RFX7: variants seen among roughly 807,000 people sequenced by gnomAD.
RFX7 encodes DNA-binding protein RFX7.
RFX7 carries 26 observed loss-of-function variants against 111.8 expected under a neutral mutation model. The ratio of observed to expected loss-of-function variants is 0.23; its 90% CI spans 0.17 to 0.32. RFX7 has a LOEUF of 0.32. Ranked by LOEUF, RFX7 falls within the 10% of genes least tolerant of loss-of-function variation. RFX7 has a pLI of 1.00. For missense variants in RFX7, 1,573 were observed against 1,772.9 expected (o/e 0.89, Z 2.02); for synonymous variants, 624 against 624.4 (o/e 1.00, Z 0.01).
intron 5 of RFX7, among the ~76,000 whole-genome samples, chr15:56,128,999 C>T (rs1595948023): frequency 2.6e-5 from 4 of 152,204 alleles, no homozygotes; most frequent in African/African-American, 7.2e-5. Flanking sequence ...AAGATGTATA[C>T]ATCCTTGAAA....
rs571717718 is a variant in RFX7, at chr15:56,233,173, C to T, written c.161+9952G>A. Among the ~76,000 whole-genome samples, 5 of 152,292 alleles carry T rather than the reference C, an allele frequency of 3.3e-5. No individual in the cohort carries two copies. In the East Asian group the frequency reaches 7.7e-4, roughly 24 times the overall value. On this transcript the variant is annotated intron_variant, in intron 2 of 9. Coordinates refer to ENST00000559447, the MANE Select transcript of RFX7 (RefSeq NM_022841.7). Reference sequence around the variant, plus strand: ...TAAGGAAAAAGAGGTTTAATGGACTCACAGTTCCATGTGGATGGGGAGGCC... The same window carrying T: ...TAAGGAAAAAGAGGTTTAATGGACTTACAGTTCCATGTGGATGGGGAGGCC...
chr15:56,177,950 T>A lies in RFX7; in HGVS notation c.195+1320A>T, dbSNP rs180808658. Among the ~76,000 whole-genome samples, 120 of 152,202 alleles carry A rather than the reference T, an allele frequency of 7.9e-4. 3 individuals carry two copies. Among genetic ancestry groups the A allele is most frequent in the Admixed American group, 7.3e-3 (111 of 15,280 alleles). ...GAGTAGTCTTGAATATATCTCTCTA[T>A]AACAGACTAAATTTCTTAAGGGCAT... On this transcript the variant is annotated intron_variant, in intron 3 of 9. Coordinates refer to ENST00000559447, the MANE Select transcript of RFX7 (RefSeq NM_022841.7).
At chr15:56,220,520 C>T (rs571188657) in intron 2 of RFX7, among the ~76,000 whole-genome samples, 2 of 151,272 alleles carry the variant, frequency 1.3e-5, no homozygotes, top group South Asian at 2.1e-4. Flanking sequence ...CGGGAGCCAC[C>T]GCACCTAGCC....
At chr15:56,229,431 A>C (rs2141227855) in intron 2 of RFX7, among the ~76,000 whole-genome samples, 1 of 152,064 alleles carries the variant, frequency 6.6e-6, no homozygotes, top group African/African-American at 2.4e-5. Context: ...ACGCCTGGTT[A>C]ATTTTTTGTA....
chr15:56,195,087 T>G (rs1430049951), intron 2 of RFX7, among the ~76,000 whole-genome samples: 1 of 152,120 alleles, frequency 6.6e-6, no homozygotes, highest in Non-Finnish European at 1.5e-5. Context: ...TAAAAAGGAA[T>G]GCAGTATCAA....
At chr15:56,161,475 A>G (rs898221977) in intron 3 of RFX7, among the ~76,000 whole-genome samples, 5 of 152,098 alleles carry the variant, frequency 3.3e-5, no homozygotes, top group African/African-American at 1.2e-4. Flanking sequence ...ACATTATAAA[A>G]GAAAAAAGTA....
Position 56,094,531 on chromosome 15 carries a change from T to G in RFX7, c.3197A>C (p.Asn1066Thr). The change falls in exon 10 of 10, where the codon AAT becomes ACT. Residue 1066 changes from asparagine (N) to threonine (T), a missense_variant. Around this residue, in one of 7 missense-constraint regions of RFX7, gnomAD observed 411 missense variants for 478.1 expected, o/e 0.86. Transcript: ENST00000559447. Reference protein sequence around the residue: ...HPDKTKLEWMNNGYSGVGNSS... With the variant: ...HPDKTKLEWMTNGYSGVGNSS... ...ATTACCAACCCCACTATACCCATTA[T>G]TCATCCATTCAAGCTTGGTTTTGTC... The G allele has an allele frequency of 6.2e-7, 1 of 1,613,976 alleles. No homozygotes were observed. The highest frequency in any genetic ancestry group is 8.5e-7 in the Non-Finnish European group (1 of 1,179,874).
At chr15:56,205,528 G>C (rs2043241309) in intron 2 of RFX7, among the ~76,000 whole-genome samples, 1 of 152,160 alleles carries the variant, frequency 6.6e-6, no homozygotes, top group East Asian at 1.9e-4. Flanking sequence ...GTTGACACAA[G>C]TTTGACTAAC....
At chr15:56,139,262 G>A (rs369846426) in intron 5 of RFX7, among the ~76,000 whole-genome samples, 3 of 150,726 alleles carry the variant, frequency 2.0e-5, no homozygotes, top group Non-Finnish European at 4.5e-5. Context: ...CCAATCAGAC[G>A]TAGATTTGGT....
chr15:56,151,272 T>C (rs1305752218), intron 3 of RFX7, among the ~76,000 whole-genome samples: 1 of 151,586 alleles, frequency 6.6e-6, no homozygotes, highest in Non-Finnish European at 1.5e-5. Context: ...TTCACCAAGG[T>C]TGAAATGAAA....
chr15:56,175,377 C>A (rs1209520717), intron 3 of RFX7, among the ~76,000 whole-genome samples: 1 of 151,816 alleles, frequency 6.6e-6, no homozygotes, highest in Non-Finnish European at 1.5e-5. Context: ...TGATGTAATC[C>A]CAATAAAAAT....
chr15:56,153,033 AC>A (rs748808330), intron 3 of RFX7, among the ~76,000 whole-genome samples: 4 of 152,212 alleles, frequency 2.6e-5, no homozygotes, highest in Non-Finnish European at 4.4e-5. Context: ...CCCTGAATAG[AC>A]CAATAACAAG....
intron 2 of RFX7, chr15:56,193,303 G>A (rs189285899): frequency 6.6e-6 from 1 of 152,398 alleles, no homozygotes; most frequent in African/African-American, 2.4e-5. Context: ...GACCCAGGCA[G>A]GAAAGGCGCG....
At chr15:56,152,411 G>A (rs538058688) in intron 3 of RFX7, among the ~76,000 whole-genome samples, 11 of 152,078 alleles carry the variant, frequency 7.2e-5, no homozygotes, top group Admixed American at 5.9e-4. Context: ...ACCCCAATCC[G>A]TACAAATACA....
At position 56,218,216 on chromosome 15, in the gene RFX7, G is replaced by A. The variant is rs138502826; in HGVS notation, c.161+24909C>T. ...GTTGCCCAGGCTGGAGTGCAATGGC[G>A]CGTTCTCGGCTCACTGCAACCTCTG... is the stretch of plus-strand genomic sequence containing the variant. On this transcript the variant is annotated intron_variant, in intron 2 of 9. Transcript: ENST00000559447. Among the ~76,000 whole-genome samples, 316 of 133,236 alleles carry A rather than the reference G, an allele frequency of 2.4e-3. 1 individual carries two copies. The highest frequency in any genetic ancestry group is 0.013 in the East Asian group (55 of 4,200). 87.4% of individuals were successfully genotyped at this position (133,236 alleles called of 152,430 possible).
chr15:56,132,919 C>T lies in RFX7; in HGVS notation c.401+9859G>A, dbSNP rs142910308. 1.7e-3 allele frequency among the ~76,000 whole-genome samples: 258 copies of T among 152,078 alleles called. 1 individual carries two copies. Among genetic ancestry groups the T allele is most frequent in the African/African-American group, 6.1e-3 (252 of 41,532 alleles). On this transcript the variant is annotated intron_variant, in intron 5 of 9. Transcript: ENST00000559447. ...TTCACTGCAGTGCTATTTGCAACTA[C>T]CCTCTCACCCAAGAACTGCATAAAC...
At chr15:56,140,461 C>T (rs1017128605) in intron 5 of RFX7, among the ~76,000 whole-genome samples, 2 of 152,118 alleles carry the variant, frequency 1.3e-5, no homozygotes, top group Admixed American at 1.3e-4. Flanking sequence ...GGCAATGCCT[C>T]GCCCTGCTTC....
intron 2 of RFX7, among the ~76,000 whole-genome samples, chr15:56,240,920 T>A (rs181940535): frequency 1.8e-4 from 28 of 152,246 alleles, no homozygotes; most frequent in African/African-American, 6.7e-4. Flanking sequence ...ACTTTTGATA[T>A]CTTTATTTTA....
At chr15:56,181,095 A>G (rs976684056) in intron 2 of RFX7, among the ~76,000 whole-genome samples, 7 of 152,200 alleles carry the variant, frequency 4.6e-5, no homozygotes, top group Non-Finnish European at 8.8e-5. Flanking sequence ...CCTTTGCTCC[A>G]AAGTCTTTAC....
Sources: allele counts gnomAD v4.1 joint callset (sites outside exome capture counted in the v4.1 genomes callset), GRCh38; gene constraint gnomAD v4.1.1; regional missense constraint gnomAD v4.1.1; transcripts MANE v1.5; gene names NCBI Gene and HGNC (gene_info 2026-07-23, HGNC 2026-07-21).